Variants in PTBP2 observed in about 807,000 individuals in gnomAD.
PTBP2 encodes polypyrimidine tract binding protein 2.
In PTBP2, 13 loss-of-function variants were observed where a neutral mutation model predicts 61.4. That is an observed-to-expected ratio of 0.21 (90% CI 0.14 to 0.34). PTBP2 has a LOEUF of 0.34. Ranked by LOEUF, PTBP2 falls within the 10% of genes least tolerant of loss-of-function variation. PTBP2 has a pLI of 1.00. For missense variants in PTBP2, 405 were observed against 642.6 expected (o/e 0.63, Z 4.00); for synonymous variants, 215 against 218.5 (o/e 0.98, Z 0.14).
chr1:96,788,295 T>G (rs561900505), intron 8 of PTBP2, among the ~76,000 whole-genome samples: 1 of 152,220 alleles, frequency 6.6e-6, no homozygotes, highest in Non-Finnish European at 1.5e-5. Context: ...GTTAGGTCAG[T>G]TTTTGGAAAA....
chr1:96,780,179 A>G (rs1014180909), intron 7 of PTBP2, among the ~76,000 whole-genome samples: 3 of 152,088 alleles, frequency 2.0e-5, no homozygotes, highest in Non-Finnish European at 4.4e-5. Context: ...ACCAAAGCCT[A>G]TCGTCTTCTG....
rs554663309 is a variant in PTBP2 at position 96,747,696 on chromosome 1, G to A, written c.40-3729G>A. Among the ~76,000 whole-genome samples the A allele has an allele frequency of 2.0e-4, 31 of 152,210 alleles. No individual in the cohort carries two copies. The South Asian group carries it at 6.0e-3, about 30-fold the overall frequency. On this transcript the variant is annotated intron_variant, in intron 2 of 13. Coordinates refer to ENST00000674951, the MANE Select transcript of PTBP2 (RefSeq NM_021190.4). ...TTTTGTTTCTTTTTCTGTCATAGCA[G>A]AAGTCCTGTTGGTATAAGAAAGTGG... is the stretch of plus-strand genomic sequence containing the variant.
chr1:96,786,422 T>C (rs1659209729), intron 8 of PTBP2, among the ~76,000 whole-genome samples: 1 of 152,202 alleles, frequency 6.6e-6, no homozygotes, highest in Non-Finnish European at 1.5e-5. Flanking sequence ...TTACACTCTT[T>C]CCTGACAGAA....
intron 2 of PTBP2, among the ~76,000 whole-genome samples, chr1:96,743,489 T>G (rs1197548156): frequency 6.6e-6 from 1 of 152,210 alleles, no homozygotes; most frequent in East Asian, 1.9e-4. Flanking sequence ...CATCATCCTT[T>G]CACCTAATAG....
Position 96,802,673 on chromosome 1 carries a change from T to A in PTBP2, c.905-2127T>A, listed in dbSNP as rs183464458. On this transcript the variant is annotated intron_variant, in intron 8 of 13. Coordinates refer to ENST00000674951, the MANE Select transcript of PTBP2 (RefSeq NM_021190.4). ...GGAATTTGAGGCTTGGTACTGAACT[T>A]CTTCTGCATGCCATATTGAAGTTGG... Among the ~76,000 whole-genome samples the A allele has an allele frequency of 2.1e-3, 325 of 152,296 alleles. 1 individual carries two copies. The highest frequency in any genetic ancestry group is 3.4e-3 in the Non-Finnish European group (230 of 68,010).
intron 2 of PTBP2, among the ~76,000 whole-genome samples, chr1:96,740,895 TTTC>T (rs1652920904): frequency 6.6e-6 from 1 of 152,070 alleles, no homozygotes; most frequent in Non-Finnish European, 1.5e-5. Flanking sequence ...TTTAAATTTT[TTTC>T]CATTACAAAC....
intron 3 of PTBP2, among the ~76,000 whole-genome samples, chr1:96,762,291 T>C (rs7543530): frequency 0.067 from 9,592 of 144,178 alleles, 572 homozygotes; most frequent in Admixed American, 0.15. Flanking sequence ...GCTCCTCACT[T>C]CCCAGTAGGG....
intron 2 of PTBP2, among the ~76,000 whole-genome samples, chr1:96,737,124 C>T (rs1185913786): frequency 6.6e-6 from 1 of 151,706 alleles, no homozygotes; most frequent in Non-Finnish European, 1.5e-5. Flanking sequence ...GGACTACAGG[C>T]GCCTGCCACC....
intron 8 of PTBP2, 113 bp downstream of exon 8, chr1:96,785,367 T>C (rs1254999702): frequency 1.2e-6 from 1 of 806,308 alleles, no homozygotes; most frequent in Non-Finnish European, 1.8e-6. Flanking sequence ...TTAGGTTTCG[T>C]GAGTTTTCTT....
downstream of PTBP2, chr1:96,819,547 A>G (rs942741518): frequency 2.0e-5 from 3 of 151,890 alleles, no homozygotes; most frequent in African/African-American, 7.2e-5. Context: ...TAGACTTTTT[A>G]TAACCATAAT....
chr1:96,726,275 C>CTT (rs564018394), intron 2 of PTBP2, among the ~76,000 whole-genome samples: 80 of 125,662 alleles, frequency 6.4e-4, no homozygotes, highest in African/African-American at 2.0e-3. Flanking sequence ...CACATCTTGC[C>CTT]TTTTTTTTTT....
chr1:96,820,150 G>A (rs922146082), exon 14 of PTBP2: 1 of 151,890 alleles, frequency 6.6e-6, no homozygotes, highest in Non-Finnish European at 1.5e-5. Flanking sequence ...TCACTTATAA[G>A]GATTATGTGA....
chr1:96,780,411 GT>G (rs1487486342), intron 7 of PTBP2, among the ~76,000 whole-genome samples: 1 of 151,774 alleles, frequency 6.6e-6, no homozygotes, highest in African/African-American at 2.4e-5. Context: ...TATCTTTGTT[GT>G]TTATTATCTC....
chr1:96,798,613 T>C (rs1557767200), intron 8 of PTBP2, among the ~76,000 whole-genome samples: 1 of 152,050 alleles, frequency 6.6e-6, no homozygotes. Context: ...GAGTAAACTC[T>C]CAAAAGTAAG....
At chr1:96,721,893 G>A in intron 1 of PTBP2, 21 bp downstream of exon 1, 3 of 1,573,338 alleles carry the variant, frequency 1.9e-6, no homozygotes, top group South Asian at 2.3e-5. Flanking sequence ...GGGCCGGCGA[G>A]AAGGTGTGTG....
At chr1:96,792,232 G>C (rs1348742157) in intron 8 of PTBP2, among the ~76,000 whole-genome samples, 1 of 152,176 alleles carries the variant, frequency 6.6e-6, no homozygotes, top group Admixed American at 6.5e-5. Context: ...CCAAAAGTTT[G>C]ATGAATATGA....
At chr1:96,749,828 G>T (rs1476323848) in intron 2 of PTBP2, 1 of 311,264 alleles carries the variant, frequency 3.2e-6, no homozygotes, top group Non-Finnish European at 6.7e-6. Flanking sequence ...CCTAAGGGCT[G>T]TGATGTAGAT....
At chr1:96,726,918 A>T (rs751224634) in intron 2 of PTBP2, among the ~76,000 whole-genome samples, 30 of 152,154 alleles carry the variant, frequency 2.0e-4, no homozygotes, top group Non-Finnish European at 3.5e-4. Context: ...CTTTATTGAG[A>T]TATAATTTGA....
intron 3 of PTBP2, among the ~76,000 whole-genome samples, chr1:96,761,496 C>T (rs1000609729): frequency 1.1e-4 from 17 of 151,754 alleles, no homozygotes; most frequent in African/African-American, 2.2e-4. Context: ...TAAAACATTA[C>T]GGTAGTTCAT....
Sources: gnomAD v4.1 joint callset for allele counts (sites outside exome capture counted in the v4.1 genomes callset) on GRCh38, gnomAD v4.1.1 for gene constraint, MANE v1.5 for transcripts, NCBI Gene and HGNC (gene_info 2026-07-23, HGNC 2026-07-21) for gene names.